Variants in NUP155 observed in about 807,000 individuals in gnomAD.
NUP155 encodes the protein nuclear pore complex protein Nup155.
In NUP155, 71 loss-of-function variants were observed where a neutral mutation model predicts 180.4. The observed-to-expected ratio is 0.39, with a 90% CI of 0.33 to 0.48. The LOEUF is 0.48. Ranked by LOEUF, NUP155 falls within the 20% of genes least tolerant of loss-of-function variation. The pLI is 0.91. For missense variants in NUP155, 1,553 were observed against 1,648.9 expected, an observed-to-expected ratio of 0.94 and a Z score of 1.01; for synonymous variants, 582 against 559.5, an observed-to-expected ratio of 1.04 and a Z score of -0.57.
At chr5:37,295,934 G>A (rs1742528093) in intron 32 of NUP155, among the ~76,000 whole-genome samples, 1 of 146,860 alleles carries the variant, frequency 6.8e-6, no homozygotes, top group Non-Finnish European at 1.5e-5. Flanking sequence ...GGGCGCCTCT[G>A]CCCGGCCGCC....
chr5:37,298,725 C>T, intron 32 of NUP155, 143 bp downstream of exon 32: 1 of 654,832 alleles, frequency 1.5e-6, no homozygotes, highest in Non-Finnish European at 2.7e-6. Context: ...CTTTGGAAGT[C>T]TTTCCGGAGA....
intron 28 of NUP155, 145 bp from the exon 29 acceptor site, chr5:37,303,053 A>G (rs1742952313): frequency 1.8e-6 from 2 of 1,097,090 alleles, no homozygotes; most frequent in African/African-American, 3.2e-5. Flanking sequence ...TTTAAAAAAA[A>G]ATCTATTTTA....
At chr5:37,348,764 T>C (rs1338351809) in intron 8 of NUP155, among the ~76,000 whole-genome samples, 168 bp from the exon 9 acceptor site, 1 of 149,928 alleles carries the variant, frequency 6.7e-6, no homozygotes, top group East Asian at 1.9e-4. Context: ...GAGTTGGGCT[T>C]TTTTTTTTTG....
Position 37,355,829 on chromosome 5 carries a change from T to C in NUP155, c.463+2252A>G, listed in dbSNP as rs1474570056. On this transcript the variant is annotated intron_variant, in intron 4 of 34. Transcript: ENST00000231498. ...TCCTGACCTCATGATCCACCCACCT[T>C]GGCCTCCCAAAGTGCTGGGATTACA... Among the ~76,000 whole-genome samples the C allele has an allele frequency of 1.1e-4, 17 of 151,834 alleles. 1 individual carries two copies. Among genetic ancestry groups the C allele is most frequent in the Admixed American group, 1.1e-3 (16 of 15,232 alleles).
chr5:37,310,261 AGCT>A (rs1355056272), intron 23 of NUP155, among the ~76,000 whole-genome samples: 1 of 152,124 alleles, frequency 6.6e-6, no homozygotes, highest in African/African-American at 2.4e-5. Flanking sequence ...AGGACTTAGA[AGCT>A]GCTGTGAGCT....
intron 19 of NUP155, among the ~76,000 whole-genome samples, chr5:37,325,254 A>C (rs1271305441): frequency 6.6e-6 from 1 of 152,162 alleles, no homozygotes; most frequent in East Asian, 1.9e-4. Flanking sequence ...TATATATGTC[A>C]AAGTATTACA....
At position 37,363,968 on chromosome 5, in the gene NUP155, G is replaced by T. The variant is rs1391686664; in HGVS notation, c.312C>A (p.Cys104Ter). The change falls in exon 3 of 35, where the codon TGC (cysteine) becomes TGA (stop). Residue 104 changes from cysteine (C) to a stop codon, truncating the protein, a stop_gained. Coordinates refer to ENST00000231498, the MANE Select transcript of NUP155 (RefSeq NM_153485.3). LOFTEE classifies it high-confidence loss of function. ...TGATAGGAGGGAACACACCCATCAT[G>T]CAATTACACTGCATATCTGAGGTAG... is the stretch of plus-strand genomic sequence containing the variant. ...VEQFGHMQCN[C>*]MMGVFPPISR... 6.2e-7 allele frequency: 1 copy of T among 1,612,016 alleles called. No individual in the cohort carries two copies. The highest frequency in any genetic ancestry group is 1.7e-5 in the Admixed American group (1 of 60,002).
At position 37,328,360 on chromosome 5, in the gene NUP155, T is replaced by C. The variant is rs1185716742; in HGVS notation, c.1874A>G (p.His625Arg). 18 of 1,604,506 alleles carry C rather than the reference T, an allele frequency of 1.1e-5. No homozygotes were observed. Among genetic ancestry groups the C allele is most frequent in the Non-Finnish European group, 1.5e-5 (18 of 1,171,414 alleles). Reference sequence around the variant, plus strand: ...TCCAAAACAAAGAAAAGAGGTACCATGAGACGGTGTTCCCAAAAAGGATGG... The same window carrying C: ...TCCAAAACAAAGAAAAGAGGTACCACGAGACGGTGTTCCCAAAAAGGATGG... ...PNPSFLGTPS[H>R]GIQPPAMSTP... Residue 625 changes from histidine to arginine, a missense_variant and splice_region_variant, in exon 17 of 35, where the codon CAT (histidine) becomes CGT (arginine). By Grantham distance (29) the His-to-Arg change is conservative. Coordinates refer to ENST00000231498, the MANE Select transcript of NUP155 (RefSeq NM_153485.3).
intron 30 of NUP155, 138 bp from the exon 31 acceptor site, chr5:37,299,706 A>G (rs1045989295): frequency 4.4e-6 from 4 of 901,872 alleles, no homozygotes; most frequent in Non-Finnish European, 6.9e-6. Flanking sequence ...AGATGTGATG[A>G]TGTATGTAGC....
chr5:37,356,244 AAAAT>A (rs1268007186), intron 4 of NUP155, among the ~76,000 whole-genome samples: 1 of 151,744 alleles, frequency 6.6e-6, no homozygotes, highest in African/African-American at 2.4e-5. Flanking sequence ...AAAAAAAAAA[AAAAT>A]AGAGATTTGG....
intron 11 of NUP155, among the ~76,000 whole-genome samples, chr5:37,339,923 G>A (rs217786): frequency 0.03 from 4,562 of 151,980 alleles, 250 homozygotes; most frequent in African/African-American, 0.1. Flanking sequence ...CCCTACACCC[G>A]GCTAATTTTT....
intron 1 of NUP155, among the ~76,000 whole-genome samples, chr5:37,369,155 G>A (rs781204681): frequency 3.3e-5 from 5 of 152,302 alleles, no homozygotes; most frequent in Non-Finnish European, 4.4e-5. Context: ...GGGAGGGCAA[G>A]GCGGGAGGAC....
At chr5:37,340,050 C>T (rs369738246) in intron 11 of NUP155, among the ~76,000 whole-genome samples, 1 of 152,300 alleles carries the variant, frequency 6.6e-6, no homozygotes, top group East Asian at 1.9e-4. Context: ...TGAGCCACTG[C>T]ACCCGGCCCC....
intron 14 of NUP155, 106 bp downstream of exon 14, chr5:37,331,579 T>A (rs972369320): frequency 2.7e-5 from 11 of 405,474 alleles, no homozygotes; most frequent in Middle Eastern, 7.3e-4. Flanking sequence ...CATCTCAAAA[T>A]ATATATATAT....
chr5:37,339,800 GT>G (rs1745592095), intron 11 of NUP155, among the ~76,000 whole-genome samples: 1 of 152,072 alleles, frequency 6.6e-6, no homozygotes, highest in African/African-American at 2.4e-5. Context: ...GTCTTGCTCT[GT>G]CCCCCATGCT....
intron 5 of NUP155, 126 bp downstream of exon 5, chr5:37,352,611 T>A: frequency 1.4e-6 from 1 of 691,574 alleles, no homozygotes; most frequent in Non-Finnish European, 2.6e-6. Context: ...CCTGAGGATT[T>A]GGCAGTAATA....
At chr5:37,329,482 G>T (rs1216814222) in intron 15 of NUP155, among the ~76,000 whole-genome samples, 2 of 152,108 alleles carry the variant, frequency 1.3e-5, no homozygotes, top group South Asian at 4.2e-4. Context: ...CTGCTACCAG[G>T]AAGAATTATA....
At chr5:37,334,579 C>T (rs1303390384) in intron 12 of NUP155, among the ~76,000 whole-genome samples, 1 of 152,042 alleles carries the variant, frequency 6.6e-6, no homozygotes, top group Non-Finnish European at 1.5e-5. Flanking sequence ...CTGGCTTTTG[C>T]CATGTTGGCC....
At chr5:37,312,369 T>C (rs1480909949) in intron 22 of NUP155, among the ~76,000 whole-genome samples, 2 of 136,968 alleles carry the variant, frequency 1.5e-5, no homozygotes, top group Non-Finnish European at 3.3e-5. Context: ...ACAAAGAGGA[T>C]TAAAAAAAAA....
Sources: gnomAD v4.1 joint callset for allele counts (sites outside exome capture counted in the v4.1 genomes callset) on GRCh38, gnomAD v4.1.1 for gene constraint, MANE v1.5 for transcripts, NCBI Gene and HGNC (gene_info 2026-07-23, HGNC 2026-07-21) for gene names.